Variants in ADAMTSL3 observed in about 807,000 individuals in gnomAD.
The protein encoded by ADAMTSL3 is ADAMTS like 3.
ADAMTSL3 carries 128 observed loss-of-function variants against 201.7 expected under a neutral mutation model. That is an observed-to-expected ratio of 0.63 (90% CI 0.55 to 0.73). ADAMTSL3 has a LOEUF of 0.73. ADAMTSL3 is among the 30% of genes least tolerant of loss of function. The pLI is 0.00. For synonymous variants in ADAMTSL3, 738 were observed against 748.4 expected, an observed-to-expected ratio of 0.99 and a Z score of 0.23; for missense variants, 1,990 against 2,119.6, an observed-to-expected ratio of 0.94 and a Z score of 1.20.
At chr15:83,899,801 C>T (rs2065688714) in intron 15 of ADAMTSL3, 70 bp downstream of exon 15, 5 of 1,550,308 alleles carry the variant, frequency 3.2e-6, no homozygotes, top group Non-Finnish European at 4.4e-6. Flanking sequence ...AATTTTTGTA[C>T]TCATTGGAGT....
chr15:83,791,727 G>A (rs958642602), intron 4 of ADAMTSL3, among the ~76,000 whole-genome samples: 8 of 151,990 alleles, frequency 5.3e-5, no homozygotes, highest in Non-Finnish European at 1.2e-4. Context: ...GGGCATGGTA[G>A]CGGGCGCCTG....
chr15:83,942,517 C>A, intron 17 of ADAMTSL3, 79 bp from the exon 18 acceptor site: 1 of 1,382,584 alleles, frequency 7.2e-7, no homozygotes, highest in Non-Finnish European at 9.9e-7. Context: ...CAGAGGAGAG[C>A]TTCACGTTGT....
At chr15:83,877,065 A>G (rs915954388) in intron 9 of ADAMTSL3, among the ~76,000 whole-genome samples, 2 of 152,100 alleles carry the variant, frequency 1.3e-5, no homozygotes, top group East Asian at 3.9e-4. Flanking sequence ...AACTGCTGGG[A>G]TTACAGGTGT....
intron 5 of ADAMTSL3, among the ~76,000 whole-genome samples, chr15:83,811,544 G>C (rs747669573): frequency 6.6e-6 from 1 of 152,188 alleles, no homozygotes; most frequent in Admixed American, 6.5e-5. Context: ...TGCACATGAG[G>C]TGCAATGGTT....
chr15:83,936,506 T>C (rs2066463600), intron 17 of ADAMTSL3, among the ~76,000 whole-genome samples: 1 of 150,876 alleles, frequency 6.6e-6, no homozygotes, highest in South Asian at 2.1e-4. Flanking sequence ...AGGATAGACA[T>C]ACTGAACAAC....
chr15:83,869,601 A>G (rs1202129855), intron 8 of ADAMTSL3, among the ~76,000 whole-genome samples: 3 of 152,206 alleles, frequency 2.0e-5, no homozygotes, highest in Non-Finnish European at 4.4e-5. Flanking sequence ...CAGCTGCTCC[A>G]GTGACAGAGA....
At chr15:83,791,029 C>A (rs1337808926) in intron 4 of ADAMTSL3, among the ~76,000 whole-genome samples, 3 of 151,966 alleles carry the variant, frequency 2.0e-5, no homozygotes, top group African/African-American at 7.3e-5. Context: ...TACATTTAGC[C>A]AAGGAGGTGA....
In ADAMTSL3 at chr15:83,870,933, C is replaced by T. The variant is rs1478572343; in HGVS notation, c.934C>T (p.Pro312Ser). The change falls in exon 9 of 30, where the codon CCT becomes TCT. Residue 312 changes from proline to serine, a missense_variant. Pro to Ser is a moderately conservative substitution (Grantham distance 74, BLOSUM62 -1). Transcript: ENST00000286744. ...GAGGCAAACTTTTAAGATTCCAGGACCTCTGATGGCTGATTTCATCTTCAA... is the reference window on the plus strand; with the variant it reads ...GAGGCAAACTTTTAAGATTCCAGGATCTCTGATGGCTGATTTCATCTTCAA... ...SERQTFKIPG[P>S]LMADFIFKTR... 1.2e-6 allele frequency: 2 copies of T among 1,613,416 alleles called. No homozygotes were observed. The highest frequency in any genetic ancestry group is 8.5e-7 in the Non-Finnish European group (1 of 1,179,820).
chr15:83,911,334 T>C (rs2065929136), intron 15 of ADAMTSL3, among the ~76,000 whole-genome samples: 1 of 152,202 alleles, frequency 6.6e-6, no homozygotes, highest in South Asian at 2.1e-4. Context: ...TGTTATAGAC[T>C]GTGTGTATGT....
chr15:83,930,267 C>T (rs1254225221), intron 17 of ADAMTSL3, among the ~76,000 whole-genome samples: 1 of 152,132 alleles, frequency 6.6e-6, no homozygotes, highest in Non-Finnish European at 1.5e-5. Flanking sequence ...GCATTTTTCA[C>T]TCATGTCTTC....
At chr15:83,801,651 AATATATATATATATATATAT>A (rs68098545) in intron 4 of ADAMTSL3, among the ~76,000 whole-genome samples, 50 of 31,276 alleles carry the variant, frequency 1.6e-3, no homozygotes, top group African/African-American at 3.8e-3. Context: ...TATAAATATA[AATATATATATATATATATAT>A]ATATATATAT....
intron 17 of ADAMTSL3, among the ~76,000 whole-genome samples, chr15:83,940,412 G>A (rs1020406486): frequency 9.2e-5 from 14 of 152,144 alleles, no homozygotes; most frequent in African/African-American, 3.1e-4. Context: ...TTTTGGTGAG[G>A]GCTCTCTTCC....
At chr15:83,819,142 C>T (rs545659583) in intron 5 of ADAMTSL3, among the ~76,000 whole-genome samples, 3 of 151,536 alleles carry the variant, frequency 2.0e-5, no homozygotes, top group Non-Finnish European at 2.9e-5. Flanking sequence ...TGGTGGCGGG[C>T]GCCTGTAGTC....
intron 15 of ADAMTSL3, among the ~76,000 whole-genome samples, chr15:83,905,896 CT>C (rs766918111): frequency 4.5e-4 from 66 of 147,146 alleles, no homozygotes; most frequent in East Asian, 2.0e-3. Context: ...AGGAGATTAT[CT>C]TTTTTTTTTT....
chr15:83,716,519 A>T (rs1451042923), intron 3 of ADAMTSL3, among the ~76,000 whole-genome samples: 1 of 151,578 alleles, frequency 6.6e-6, no homozygotes, highest in Non-Finnish European at 1.5e-5. Context: ...CCGTCTCAAA[A>T]AAAAAAAAAA....
At chr15:83,791,401 A>G (rs2141825916) in intron 4 of ADAMTSL3, among the ~76,000 whole-genome samples, 1 of 152,342 alleles carries the variant, frequency 6.6e-6, no homozygotes, top group South Asian at 2.1e-4. Context: ...TGTCCGATGG[A>G]ACAGTATACA....
chr15:83,820,808 G>C (rs377143624), intron 6 of ADAMTSL3, among the ~76,000 whole-genome samples: 2 of 152,104 alleles, frequency 1.3e-5, no homozygotes, highest in African/African-American at 4.8e-5. Flanking sequence ...GGGTATGGAG[G>C]CTCACCCTGT....
chr15:83,760,704 C>A (rs921336522), intron 3 of ADAMTSL3, among the ~76,000 whole-genome samples: 2 of 152,062 alleles, frequency 1.3e-5, no homozygotes, highest in African/African-American at 4.8e-5. Context: ...TTTGTTCCAT[C>A]CTAGTGAAAT....
At chr15:83,769,607 C>T (rs1030885922) in intron 3 of ADAMTSL3, among the ~76,000 whole-genome samples, 19 of 152,082 alleles carry the variant, frequency 1.2e-4, no homozygotes, top group African/African-American at 4.3e-4. Context: ...GAAATATTGC[C>T]TCTAGCAGGA....
Sources: allele counts gnomAD v4.1 joint callset (sites outside exome capture counted in the v4.1 genomes callset), GRCh38; gene constraint gnomAD v4.1.1; transcripts MANE v1.5; gene names NCBI Gene and HGNC (gene_info 2026-07-23, HGNC 2026-07-21).